The following RAB38 variants were observed in gnomAD, a reference collection of about 807,000 sequenced individuals.
The protein encoded by RAB38 is ras-related protein Rab-38.
RAB38 carries 15 observed loss-of-function variants against 18.4 expected under a neutral mutation model. The observed-to-expected ratio is 0.82, with a 90% CI of 0.55 to 1.26. The LOEUF (loss-of-function observed/expected upper bound fraction) is 1.26, where lower values mean the gene tolerates loss of function less well. Ranked by LOEUF, RAB38 falls within the 50% of genes most tolerant of loss-of-function variation. The probability of loss-of-function intolerance (pLI) is 0.00; values close to 1 mark genes in which losing one functional copy is unlikely to be tolerated. For missense variants in RAB38, 294 were observed against 267.4 expected (o/e 1.10, Z -0.69); for synonymous variants, 101 against 104.4 (o/e 0.97, Z 0.20).
the RAB38 span, among the ~76,000 whole-genome samples, chr11:87,955,873 GCACACA>G: frequency 0.11 from 16,039 of 148,526 alleles, 1,003 homozygotes; most frequent in East Asian, 0.28. Context: ...CAAACAGTAT[GCACACA>G]CACACACACA....
the RAB38 span, among the ~76,000 whole-genome samples, chr11:88,036,895 A>G: frequency 6.6e-6 from 1 of 152,014 alleles, no homozygotes; most frequent in African/African-American, 2.4e-5. Context: ...GGCAGGTTTC[A>G]TTTGCAAATA....
At chr11:88,094,846 C>A in the RAB38 span, among the ~76,000 whole-genome samples, 1 of 151,896 alleles carries the variant, frequency 6.6e-6, no homozygotes, top group Non-Finnish European at 1.5e-5. Context: ...AACTCATCTT[C>A]CTACTTTCTT....
the RAB38 span, among the ~76,000 whole-genome samples, chr11:87,845,874 T>TTAAAG: frequency 1.1e-4 from 16 of 152,084 alleles, no homozygotes; most frequent in African/African-American, 3.9e-4. Context: ...GACTACATCT[T>TTAAAG]TAAAGTACCG....
chr11:87,937,599 C>A, the RAB38 span, among the ~76,000 whole-genome samples: 2 of 151,388 alleles, frequency 1.3e-5, no homozygotes, highest in Admixed American at 6.6e-5. Context: ...ATTATAAATC[C>A]AATTTCATGA....
At chr11:87,840,132 A>G in the RAB38 span, among the ~76,000 whole-genome samples, 3 of 152,198 alleles carry the variant, frequency 2.0e-5, no homozygotes, top group Non-Finnish European at 4.4e-5. Flanking sequence ...GAGAGAAAGG[A>G]GACATAGAAA....
At chr11:88,064,542 A>G in the RAB38 span, among the ~76,000 whole-genome samples, 1 of 152,174 alleles carries the variant, frequency 6.6e-6, no homozygotes, top group Non-Finnish European at 1.5e-5. Context: ...GCACAAATGA[A>G]CACTCTCCCC....
At chr11:87,874,156 T>C in the RAB38 span, among the ~76,000 whole-genome samples, 2 of 151,250 alleles carry the variant, frequency 1.3e-5, no homozygotes, top group Non-Finnish European at 3.0e-5. Flanking sequence ...AATTTTTTTA[T>C]GTTTACTTCT....
the RAB38 span, among the ~76,000 whole-genome samples, chr11:87,924,473 A>C: frequency 6.6e-6 from 1 of 152,054 alleles, no homozygotes; most frequent in African/African-American, 2.4e-5. Context: ...AAACTGAAAT[A>C]TTAACTGGTG....
chr11:88,091,937 T>C, the RAB38 span, among the ~76,000 whole-genome samples: 3 of 151,768 alleles, frequency 2.0e-5, no homozygotes, highest in Admixed American at 2.0e-4. Flanking sequence ...GGCACGTCAA[T>C]GGAAATTGAG....
the RAB38 span, among the ~76,000 whole-genome samples, chr11:88,047,514 G>A: frequency 6.6e-6 from 1 of 152,118 alleles, no homozygotes; most frequent in Non-Finnish European, 1.5e-5. Flanking sequence ...CTTAAGTCAA[G>A]CCCTCACTCT....
chr11:88,143,814 G>A (rs1488775298), intron 2 of RAB38, among the ~76,000 whole-genome samples: 2 of 152,166 alleles, frequency 1.3e-5, no homozygotes, highest in Non-Finnish European at 2.9e-5. Context: ...TATAGCCTCT[G>A]ATCGTTCATT....
the RAB38 span, among the ~76,000 whole-genome samples, chr11:88,020,106 G>A: frequency 6.6e-6 from 1 of 152,134 alleles, no homozygotes; most frequent in African/African-American, 2.4e-5. Flanking sequence ...TCTAACTGAA[G>A]ATATTGACAA....
the RAB38 span, among the ~76,000 whole-genome samples, chr11:88,040,472 T>G: frequency 6.6e-6 from 1 of 152,136 alleles, no homozygotes. Context: ...ACCCAGCACT[T>G]TGGGAGGGCC....
At chr11:88,092,286 G>C in the RAB38 span, among the ~76,000 whole-genome samples, 240 of 96,326 alleles carry the variant, frequency 2.5e-3, 32 homozygotes, top group Non-Finnish European at 2.7e-3. Flanking sequence ...ATGGAAGAAG[G>C]TGAAGGAGAC....
chr11:87,976,551 T>C, the RAB38 span, among the ~76,000 whole-genome samples: 6 of 126,998 alleles, frequency 4.7e-5, no homozygotes, highest in African/African-American at 1.8e-4. Context: ...ATATTTTATA[T>C]ATACTTATAT....
chr11:87,847,664 T>C, the RAB38 span, among the ~76,000 whole-genome samples: 1 of 152,050 alleles, frequency 6.6e-6, no homozygotes, highest in South Asian at 2.1e-4. Flanking sequence ...CACAGGAGAC[T>C]GCAGCAGAAC....
intron 2 of RAB38, among the ~76,000 whole-genome samples, chr11:88,138,511 T>A (rs1181979235): frequency 6.6e-6 from 1 of 152,108 alleles, no homozygotes; most frequent in African/African-American, 2.4e-5. Context: ...AGACTATCAT[T>A]TAGACACAGA....
chr11:87,962,716 T>A, the RAB38 span, among the ~76,000 whole-genome samples: 1 of 152,210 alleles, frequency 6.6e-6, no homozygotes, highest in Non-Finnish European at 1.5e-5. Flanking sequence ...GAAAATTTTT[T>A]CAGACGGAGG....
chr11:88,025,113 A>T, the RAB38 span, among the ~76,000 whole-genome samples: 1 of 151,806 alleles, frequency 6.6e-6, no homozygotes, highest in Non-Finnish European at 1.5e-5. Flanking sequence ...CCTCAACCAA[A>T]ATATCGCATA....
Sources: gnomAD v4.1 joint callset for allele counts (sites outside exome capture counted in the v4.1 genomes callset) on GRCh38, gnomAD v4.1.1 for gene constraint, MANE v1.5 for transcripts, NCBI Gene and HGNC (gene_info 2026-07-23, HGNC 2026-07-21) for gene names.